Variants in ARHGEF38 observed in about 807,000 individuals in gnomAD.
ARHGEF38 encodes the protein Rho guanine nucleotide exchange factor 38.
ARHGEF38 carries 79 observed loss-of-function variants against 79.9 expected under a neutral mutation model. That is an observed-to-expected ratio of 0.99 (90% CI 0.82 to 1.19). The LOEUF is 1.19. Among genes scored for constraint, ARHGEF38 ranks in the 50% most tolerant of loss-of-function variants. The probability of loss-of-function intolerance (pLI) is 0.00; values close to 1 mark genes in which losing one functional copy is unlikely to be tolerated. For missense variants in ARHGEF38, 962 were observed against 907.2 expected (o/e 1.06, Z -0.78); for synonymous variants, 366 against 328.3 (o/e 1.11, Z -1.24).
At chr4:105,604,881 T>C (rs1270359342) in intron 2 of ARHGEF38, among the ~76,000 whole-genome samples, 1 of 152,150 alleles carries the variant, frequency 6.6e-6, no homozygotes, top group South Asian at 2.1e-4. Flanking sequence ...ATTAAAAAAT[T>C]ATAAATTTTT....
intron 1 of ARHGEF38, among the ~76,000 whole-genome samples, chr4:105,560,537 TG>T (rs1357595516): frequency 1.3e-5 from 2 of 152,174 alleles, no homozygotes; most frequent in Non-Finnish European, 2.9e-5. Context: ...TCAGTAGAAT[TG>T]TATGAAGTCA....
chr4:105,627,071 G>T (rs527508748), intron 3 of ARHGEF38, among the ~76,000 whole-genome samples: 4 of 152,196 alleles, frequency 2.6e-5, no homozygotes, highest in Non-Finnish European at 5.9e-5. Context: ...GTAAACGGAA[G>T]TTCAGTCTTC....
intron 1 of ARHGEF38, among the ~76,000 whole-genome samples, chr4:105,573,210 T>C (rs1053187496): frequency 6.6e-6 from 1 of 152,186 alleles, no homozygotes; most frequent in African/African-American, 2.4e-5. Context: ...GTTGATAGTG[T>C]CTTCTGATGC....
In ARHGEF38 at chr4:105,645,217, C is replaced by CT; in HGVS notation, c.707dup (p.Leu236PhefsTer44). ...AAACCAAACTTATTGGACATGGGCT[C>CT]TTTGATGATCAAACCAATTCAACGT... On this transcript the variant is annotated frameshift_variant, in exon 6 of 14. Coordinates refer to ENST00000420470, the MANE Select transcript of ARHGEF38 (RefSeq NM_001242729.2). LOFTEE classifies it high-confidence loss of function. The CT allele has an allele frequency of 6.5e-7, 1 of 1,530,258 alleles. No homozygotes were observed. Among genetic ancestry groups the CT allele is most frequent in the Non-Finnish European group, 8.7e-7 (1 of 1,144,438 alleles). 94.8% of individuals were successfully genotyped at this position (1,530,258 alleles called of 1,614,324 possible).
In ARHGEF38 at chr4:105,667,666, G is replaced by A; in HGVS notation, c.2111G>A (p.Gly704Asp). The change falls in exon 13 of 14, where the codon GGT (glycine) becomes GAT (aspartate). Residue 704 changes from glycine to aspartate, a missense_variant. Transcript: ENST00000420470. ...ACATGTGGAAAGTTTGAAACAAATGGTACTGATGTTGACAGTTTTCAAGAA... is the reference window on the plus strand; with the variant it reads ...ACATGTGGAAAGTTTGAAACAAATGATACTGATGTTGACAGTTTTCAAGAA... The part of the protein sequence containing the change: ...SGTCGKFETN[G>D]TDVDSFQEVD... 7 of 1,536,320 alleles carry A rather than the reference G, an allele frequency of 4.6e-6. No individual in the cohort carries two copies. Among genetic ancestry groups the A allele is most frequent in the Non-Finnish European group, 5.2e-6 (6 of 1,146,952 alleles).
intron 1 of ARHGEF38, among the ~76,000 whole-genome samples, chr4:105,564,256 T>C (rs1725779309): frequency 6.6e-6 from 1 of 152,212 alleles, no homozygotes; most frequent in South Asian, 2.1e-4. Flanking sequence ...ATAATATGTA[T>C]GATACATTAA....
chr4:105,679,870 A>G lies in ARHGEF38; in HGVS notation c.*1933A>G. 7.0e-7 allele frequency: 1 copy of G among 1,428,900 alleles called. No homozygotes were observed. 88.5% of individuals were successfully genotyped at this position (1,428,900 alleles called of 1,614,324 possible). Reference sequence around the variant, plus strand: ...AACTTTGAATCACCAGGTCAACTACAGGAATGTCCAAACCACGAGGAGCCA... The same window carrying G: ...AACTTTGAATCACCAGGTCAACTACGGGAATGTCCAAACCACGAGGAGCCA... On this transcript the variant is annotated 3_prime_UTR_variant, in exon 14 of 14. Coordinates refer to ENST00000420470, the MANE Select transcript of ARHGEF38 (RefSeq NM_001242729.2).
At chr4:105,587,755 C>A (rs191101796) in intron 1 of ARHGEF38, among the ~76,000 whole-genome samples, 2 of 152,092 alleles carry the variant, frequency 1.3e-5, no homozygotes, top group African/African-American at 4.8e-5. Context: ...CCACTGCTCC[C>A]GGCCTCATGT....
Position 105,677,856 on chromosome 4 carries a change from T to C in ARHGEF38, c.2253T>C (p.Asn751=), listed in dbSNP as rs369311326. The change falls in exon 14 of 14, where the codon AAT becomes AAC. Residue 751 remains asparagine, a synonymous_variant. Coordinates refer to ENST00000420470, the MANE Select transcript of ARHGEF38 (RefSeq NM_001242729.2). The part of the protein sequence containing the change: ...HILRFCDLSG[N]KEWWLAEAQG... ...TCAGGTTTTGTGACCTAAGTGGCAA[T>C]AAAGAGTGGTGGTTAGCTGAAGCTC... 1.3e-6 allele frequency: 2 copies of C among 1,535,400 alleles called. No individual in the cohort carries two copies. The highest frequency in any genetic ancestry group is 1.7e-6 in the Non-Finnish European group (2 of 1,146,338).
At chr4:105,638,149 A>C (rs1407569767) in intron 5 of ARHGEF38, among the ~76,000 whole-genome samples, 2 of 152,190 alleles carry the variant, frequency 1.3e-5, no homozygotes, top group African/African-American at 4.8e-5. Flanking sequence ...ATTTAAGAGT[A>C]CAAGATGTGG....
chr4:105,623,259 C>G (rs904080523), intron 3 of ARHGEF38, among the ~76,000 whole-genome samples: 1 of 152,172 alleles, frequency 6.6e-6, no homozygotes, highest in Non-Finnish European at 1.5e-5. Context: ...GGCTGGCACA[C>G]AGAGGGTCCA....
intron 2 of ARHGEF38, among the ~76,000 whole-genome samples, chr4:105,591,402 T>A (rs1727328759): frequency 1.3e-5 from 2 of 152,102 alleles, no homozygotes; most frequent in South Asian, 4.1e-4. Flanking sequence ...CTAATTTTTC[T>A]GTATATTTAG....
intron 5 of ARHGEF38, among the ~76,000 whole-genome samples, chr4:105,639,676 C>G (rs1729541700): frequency 1.3e-5 from 2 of 151,962 alleles, no homozygotes; most frequent in South Asian, 4.1e-4. Context: ...ACCATGTACT[C>G]TATTTCTATA....
At position 105,561,453 on chromosome 4, in the gene ARHGEF38, T is replaced by C. The variant is rs1355796140; in HGVS notation, c.196+8492T>C. The C allele has an allele frequency of 5.7e-5, 3 of 52,906 alleles. 1 individual carries two copies. In the South Asian group the frequency reaches 2.5e-3, roughly 45 times the overall value. The allele number at this position is 52,906 out of a possible 1,614,324, so 3.3% of individuals were successfully genotyped here. ...TAGAATAGAATAGAATAGAATGGAA[T>C]AGAATAGAATAGAATAGAATAGAAT... On this transcript the variant is annotated intron_variant, in intron 1 of 13. Coordinates refer to ENST00000420470, the MANE Select transcript of ARHGEF38 (RefSeq NM_001242729.2).
intron 2 of ARHGEF38, among the ~76,000 whole-genome samples, chr4:105,595,905 A>T (rs1727557886): frequency 6.6e-6 from 1 of 152,222 alleles, no homozygotes; most frequent in Non-Finnish European, 1.5e-5. Flanking sequence ...CATGGAACTC[A>T]AGGATTCAGA....
At position 105,680,053 on chromosome 4, in the gene ARHGEF38, A is replaced by G; in HGVS notation, c.*2116A>G. Reference sequence around the variant, plus strand: ...CATTCTTCTTCGTCTCACAGAAAATAATAGCCCTCCCTTCAGATCCACTGT... The same window carrying G: ...CATTCTTCTTCGTCTCACAGAAAATGATAGCCCTCCCTTCAGATCCACTGT... On this transcript the variant is annotated 3_prime_UTR_variant, in exon 14 of 14. Transcript: ENST00000420470. The G allele has an allele frequency of 2.4e-6, 2 of 822,152 alleles. No homozygotes were observed. The highest frequency in any genetic ancestry group is 4.3e-6 in the Non-Finnish European group (2 of 463,872). 50.9% of individuals were successfully genotyped at this position (822,152 alleles called of 1,614,324 possible). A position where few individuals can be genotyped will look rare whatever the true frequency, so the allele number is the denominator to read the frequency against.
chr4:105,561,111 G>A (rs1034348204), intron 1 of ARHGEF38, among the ~76,000 whole-genome samples: 1 of 152,090 alleles, frequency 6.6e-6, no homozygotes, highest in African/African-American at 2.4e-5. Flanking sequence ...ATAGAGGCAG[G>A]GTGTGGTGGC....
At chr4:105,607,616 A>G (rs1359276893) in intron 2 of ARHGEF38, among the ~76,000 whole-genome samples, 1 of 152,118 alleles carries the variant, frequency 6.6e-6, no homozygotes, top group African/African-American at 2.4e-5. Flanking sequence ...GCAGGGAGTA[A>G]TACAAAGCAA....
At chr4:105,584,730 A>C (rs1343703305) in intron 1 of ARHGEF38, among the ~76,000 whole-genome samples, 1 of 152,222 alleles carries the variant, frequency 6.6e-6, no homozygotes, top group Non-Finnish European at 1.5e-5. Context: ...TTTATAATTT[A>C]CAAAGAAAGA....
Sources: gnomAD v4.1 joint callset for allele counts (sites outside exome capture counted in the v4.1 genomes callset) on GRCh38, gnomAD v4.1.1 for gene constraint, MANE v1.5 for transcripts, NCBI Gene and HGNC (gene_info 2026-07-23, HGNC 2026-07-21) for gene names.